TNFAIP8L3: variants seen among roughly 807,000 people sequenced by gnomAD.
TNFAIP8L3 encodes the protein TNF alpha induced protein 8 like 3.
A neutral mutation model predicts 11.8 loss-of-function variants in TNFAIP8L3; 7 were observed. The ratio of observed to expected loss-of-function variants is 0.59; its 90% CI spans 0.34 to 1.11. The LOEUF (loss-of-function observed/expected upper bound fraction) is 1.11. TNFAIP8L3 is among the 50% of genes most tolerant of loss of function. The probability of loss-of-function intolerance (pLI) is 0.03; values close to 1 mark genes in which losing one functional copy is unlikely to be tolerated. For missense variants in TNFAIP8L3, 219 were observed against 258.6 expected, an observed-to-expected ratio of 0.85 and a Z score of 1.05; for synonymous variants, 98 against 103.8, an observed-to-expected ratio of 0.94 and a Z score of 0.34.
At chr15:51,076,018 T>G (rs1238746886) in intron 1 of TNFAIP8L3, among the ~76,000 whole-genome samples, 1 of 151,154 alleles carries the variant, frequency 6.6e-6, no homozygotes, top group Non-Finnish European at 1.5e-5. Flanking sequence ...TCTACTTGAT[T>G]TTTTTTTTAG....
rs2065214956 is a variant in TNFAIP8L3, at chr15:51,057,665, T to G, written c.*216A>C. 3 of 523,394 alleles carry G rather than the reference T, an allele frequency of 5.7e-6. No homozygotes were observed. The highest frequency in any genetic ancestry group is 3.0e-5 in the South Asian group (1 of 33,368). 32.4% of individuals were successfully genotyped at this position (523,394 alleles called of 1,614,324 possible). On this transcript the variant is annotated 3_prime_UTR_variant, in exon 2 of 2. Transcript: ENST00000637513. ...GAATAGATGAAATGTCCTTTGGGCT[T>G]GCACACAGGTGATTTTAAGTAGAAA...
At chr15:51,085,764 C>A (rs1168369673) in intron 1 of TNFAIP8L3, among the ~76,000 whole-genome samples, 1 of 152,052 alleles carries the variant, frequency 6.6e-6, no homozygotes, top group East Asian at 1.9e-4. Flanking sequence ...AAACAGGACT[C>A]TCATTCTTTT....
intron 1 of TNFAIP8L3, among the ~76,000 whole-genome samples, chr15:51,076,015 G>A (rs1399494316): frequency 6.6e-6 from 1 of 151,998 alleles, no homozygotes; most frequent in Non-Finnish European, 1.5e-5. Context: ...TGTTCTACTT[G>A]ATTTTTTTTT....
chr15:51,088,129 A>G (rs559323276), intron 1 of TNFAIP8L3, among the ~76,000 whole-genome samples: 3 of 152,032 alleles, frequency 2.0e-5, no homozygotes, highest in African/African-American at 7.2e-5. Context: ...AAAACAAAAC[A>G]AAGTTATTTA....
At chr15:51,059,407 G>A (rs1408712301) in intron 1 of TNFAIP8L3, among the ~76,000 whole-genome samples, 17 of 152,118 alleles carry the variant, frequency 1.1e-4, no homozygotes, top group African/African-American at 3.1e-4. Flanking sequence ...AATTTATAGC[G>A]TATTTTTTTC....
chr15:51,058,061 C>A lies in TNFAIP8L3; in HGVS notation c.435G>T (p.Val145=), dbSNP rs747789062. ...SNLLHECKDL[V]HELVQRHLTP... ...TCAGGTGCCGCTGCACCAGTTCATG[C>A]ACCAGGTCCTTGCACTCATGCAGGA... The change falls in exon 2 of 2, where the codon GTG becomes GTT. Residue 145 remains valine (V), a synonymous_variant. Transcript: ENST00000637513. 1 of 1,614,064 alleles carries A rather than the reference C, an allele frequency of 6.2e-7. No individual in the cohort carries two copies. The highest frequency in any genetic ancestry group is 8.5e-7 in the Non-Finnish European group (1 of 1,179,970).
intron 1 of TNFAIP8L3, among the ~76,000 whole-genome samples, chr15:51,104,757 T>G (rs2065577970): frequency 6.6e-6 from 1 of 152,244 alleles, no homozygotes; most frequent in Admixed American, 6.5e-5. Flanking sequence ...GGAACCCACA[T>G]CCTCTTAGCT....
chr15:51,099,558 A>G (rs1400017234), upstream of TNFAIP8L3, among the ~76,000 whole-genome samples: 1 of 152,152 alleles, frequency 6.6e-6, no homozygotes, highest in African/African-American at 2.4e-5. Flanking sequence ...TAGCAGCACC[A>G]GGATCTTAGG....
chr15:51,060,023 T>G (rs921200414), intron 1 of TNFAIP8L3, among the ~76,000 whole-genome samples: 9 of 152,252 alleles, frequency 5.9e-5, no homozygotes, highest in Non-Finnish European at 4.4e-5. Flanking sequence ...GGCCAGGCTT[T>G]TCCCTTCTGC....
chr15:51,093,380 T>A (rs1395927948), intron 1 of TNFAIP8L3, among the ~76,000 whole-genome samples: 2 of 152,192 alleles, frequency 1.3e-5, no homozygotes, highest in African/African-American at 4.8e-5. Flanking sequence ...CTTTACTCTA[T>A]GGGAATCTCT....
intron 1 of TNFAIP8L3, among the ~76,000 whole-genome samples, chr15:51,059,209 G>C (rs878884598): frequency 1.3e-5 from 2 of 152,148 alleles, no homozygotes; most frequent in African/African-American, 4.8e-5. Flanking sequence ...GAGATGAGTA[G>C]TACTCTGAAG....
intron 1 of TNFAIP8L3, among the ~76,000 whole-genome samples, chr15:51,063,973 C>A (rs1244123385): frequency 6.6e-6 from 1 of 152,154 alleles, no homozygotes; most frequent in Non-Finnish European, 1.5e-5. Flanking sequence ...AGCCATCTAT[C>A]TTGTATAAGA....
intron 1 of TNFAIP8L3, among the ~76,000 whole-genome samples, chr15:51,067,592 GATGAGGGAA>G (rs1478315962): frequency 6.6e-6 from 1 of 152,220 alleles, no homozygotes; most frequent in African/African-American, 2.4e-5. Flanking sequence ...CATTCTGAGG[GATGAGGGAA>G]ACATCCCCCA....
At chr15:51,084,229 T>A (rs1159987946) in intron 1 of TNFAIP8L3, among the ~76,000 whole-genome samples, 2 of 152,118 alleles carry the variant, frequency 1.3e-5, no homozygotes, top group South Asian at 2.1e-4. Flanking sequence ...TATACGTACA[T>A]ACAGAAAAAC....
At position 51,058,443 on chromosome 15, in the gene TNFAIP8L3, C is replaced by A; in HGVS notation, c.53G>T (p.Gly18Val). The A allele has an allele frequency of 1.4e-6, 2 of 1,401,414 alleles. No homozygotes were observed. Among genetic ancestry groups the A allele is most frequent in the Admixed American group, 3.2e-5 (1 of 30,832 alleles). The allele number at this position is 1,401,414 out of a possible 1,614,324, so 86.8% of individuals were successfully genotyped here. ...ACTCTTTGAACTAAAAACATCAGGACCTATGGTAAAAAAAATATATATAAA... is the reference window on the plus strand; with the variant it reads ...ACTCTTTGAACTAAAAACATCAGGAACTATGGTAAAAAAAATATATATAAA... Reference protein sequence around the residue: ...QSEGEPVTAAGPDVFSSKSLA... With the variant: ...QSEGEPVTAAVPDVFSSKSLA... Residue 18 changes from glycine (G) to valine (V), a missense_variant and splice_region_variant, in exon 2 of 2, where the codon GGT becomes GTT. Transcript: ENST00000637513.
intron 1 of TNFAIP8L3, among the ~76,000 whole-genome samples, chr15:51,089,310 C>T (rs993548416): frequency 2.6e-5 from 4 of 152,186 alleles, no homozygotes; most frequent in African/African-American, 7.2e-5. Context: ...GTGGCATGGG[C>T]TGATACAGAT....
intron 1 of TNFAIP8L3, among the ~76,000 whole-genome samples, chr15:51,072,241 A>G (rs2065314054): frequency 6.6e-6 from 1 of 152,144 alleles, no homozygotes; most frequent in East Asian, 1.9e-4. Flanking sequence ...CCTGGTTTCA[A>G]GCAATTCTCT....
chr15:51,100,816 A>G (rs2065545811), intron 1 of TNFAIP8L3, among the ~76,000 whole-genome samples: 1 of 151,876 alleles, frequency 6.6e-6, no homozygotes, highest in Admixed American at 6.6e-5. Context: ...TTAAATGTGT[A>G]GAGACTTAGA....
At chr15:51,104,865 C>G in intron 1 of TNFAIP8L3, 3 of 967,336 alleles carry the variant, frequency 3.1e-6, no homozygotes, top group Non-Finnish European at 4.8e-6. Context: ...ATGTGGGGCA[C>G]TAAATAAGAG....
Sources: allele counts gnomAD v4.1 joint callset (sites outside exome capture counted in the v4.1 genomes callset), GRCh38; gene constraint gnomAD v4.1.1; transcripts MANE v1.5; gene names NCBI Gene and HGNC (gene_info 2026-07-23, HGNC 2026-07-21).